The following LRRC69 variants were observed in gnomAD, a reference collection of about 807,000 sequenced individuals.
LRRC69 encodes the protein leucine rich repeat containing 69.
LRRC69 carries 42 observed loss-of-function variants against 37.8 expected under a neutral mutation model. The ratio of observed to expected loss-of-function variants is 1.11; its 90% confidence interval spans 0.87 to 1.44. LRRC69 has a LOEUF of 1.44. Ranked by LOEUF, LRRC69 falls within the 40% of genes most tolerant of loss-of-function variation. The probability of loss-of-function intolerance (pLI) is 0.00; values close to 1 mark genes in which losing one functional copy is unlikely to be tolerated. For synonymous variants in LRRC69, 141 were observed against 143.1 expected, an observed-to-expected ratio of 0.99 and a Z score of 0.11; for missense variants, 357 against 401.9, an observed-to-expected ratio of 0.89 and a Z score of 0.96.
At chr8:91,157,118 T>G (rs1808849501) in intron 5 of LRRC69, among the ~76,000 whole-genome samples, 1 of 151,312 alleles carries the variant, frequency 6.6e-6, no homozygotes, top group Non-Finnish European at 1.5e-5. Context: ...TGGTTCCATA[T>G]AAATTTTAGA....
At chr8:91,194,621 TA>T (rs1231321709) in intron 6 of LRRC69, among the ~76,000 whole-genome samples, 1 of 152,020 alleles carries the variant, frequency 6.6e-6, no homozygotes, top group East Asian at 1.9e-4. Context: ...CTAGATTTTC[TA>T]GTTTATTTGC....
intron 5 of LRRC69, among the ~76,000 whole-genome samples, chr8:91,176,839 A>T (rs1018937014): frequency 1.4e-4 from 22 of 151,864 alleles, no homozygotes; most frequent in Non-Finnish European, 2.6e-4. Flanking sequence ...TCAATTGCTT[A>T]ATTTCATCTA....
intron 5 of LRRC69, among the ~76,000 whole-genome samples, chr8:91,168,355 T>C (rs950491318): frequency 2.0e-5 from 3 of 151,062 alleles, no homozygotes; most frequent in Non-Finnish European, 3.0e-5. Flanking sequence ...GGGTAGCTGC[T>C]GACACCCCCA....
chr8:91,215,089 C>T (rs541643456), intron 7 of LRRC69, among the ~76,000 whole-genome samples: 6 of 151,982 alleles, frequency 3.9e-5, no homozygotes, highest in African/African-American at 1.2e-4. Flanking sequence ...GATTACATGG[C>T]GCCCACCTAG....
chr8:91,152,195 A>C (rs1345035846), intron 5 of LRRC69, among the ~76,000 whole-genome samples: 1 of 151,284 alleles, frequency 6.6e-6, no homozygotes, highest in South Asian at 2.1e-4. Context: ...ATTTCATCAT[A>C]ATATCTTTGC....
At chr8:91,217,739 A>C (rs995282336) in intron 7 of LRRC69, among the ~76,000 whole-genome samples, 2 of 152,226 alleles carry the variant, frequency 1.3e-5, no homozygotes, top group Non-Finnish European at 2.9e-5. Flanking sequence ...AATGGATCCC[A>C]GACAGGAAAA....
intron 7 of LRRC69, chr8:91,205,600 A>G (rs928980730): frequency 8.6e-5 from 13 of 151,502 alleles, no homozygotes; most frequent in Admixed American, 2.0e-4. Context: ...AGCTACTACA[A>G]TTTTTCTCAC....
intron 5 of LRRC69, among the ~76,000 whole-genome samples, chr8:91,154,091 T>G (rs1367864442): frequency 6.6e-6 from 1 of 151,288 alleles, no homozygotes; most frequent in South Asian, 2.1e-4. Context: ...AAATACCTCT[T>G]TGCAAATAAA....
chr8:91,192,180 C>G (rs1390558714), intron 6 of LRRC69, among the ~76,000 whole-genome samples: 1 of 152,048 alleles, frequency 6.6e-6, no homozygotes, highest in Non-Finnish European at 1.5e-5. Flanking sequence ...TGAACTCATC[C>G]TTTTTTATGA....
chr8:91,154,236 CAAAGA>C (rs1808793162), intron 5 of LRRC69, among the ~76,000 whole-genome samples: 1 of 148,762 alleles, frequency 6.7e-6, no homozygotes, highest in Non-Finnish European at 1.5e-5. Context: ...ACCTACCAAC[CAAAGA>C]AAAAAAAAAG....
chr8:91,207,434 A>G (rs1175945669), intron 7 of LRRC69, among the ~76,000 whole-genome samples: 1 of 152,218 alleles, frequency 6.6e-6, no homozygotes, highest in East Asian at 1.9e-4. Flanking sequence ...GAAAGAGAGA[A>G]TGATTGCATT....
intron 5 of LRRC69, chr8:91,157,235 T>C: frequency 7.7e-7 from 1 of 1,301,294 alleles, no homozygotes; most frequent in Non-Finnish European, 1.1e-6. Context: ...TTATGAATTC[T>C]GACATTAGAA....
chr8:91,157,349 A>G (rs1200706157), intron 5 of LRRC69: 25 of 1,608,622 alleles, frequency 1.6e-5, no homozygotes, highest in Non-Finnish European at 2.1e-5. Flanking sequence ...ACTGTCCCCA[A>G]AGAAGTAGGA....
At chr8:91,112,907 C>A (rs1158615792) in intron 1 of LRRC69, among the ~76,000 whole-genome samples, 7 of 151,740 alleles carry the variant, frequency 4.6e-5, no homozygotes, top group Non-Finnish European at 1.0e-4. Context: ...TACTAAAAAT[C>A]AATCATATTT....
chr8:91,138,301 T>G (rs1808454982), intron 5 of LRRC69, among the ~76,000 whole-genome samples: 1 of 151,984 alleles, frequency 6.6e-6, no homozygotes, highest in Non-Finnish European at 1.5e-5. Flanking sequence ...CTTTTTTAAC[T>G]ATGAGAATAT....
Position 91,133,100 on chromosome 8 carries a change from T to A in LRRC69, c.384-10T>A. On this transcript the variant is annotated splice_polypyrimidine_tract_variant and intron_variant, in intron 3 of 7. Transcript: ENST00000448384. ...TTCATTCATATACTTTGGTGTTTTT[T>A]TTTTTTTAGATTAAAAAGTCTTACT... 1 of 1,438,130 alleles carries A rather than the reference T, an allele frequency of 7.0e-7. No homozygotes were observed. The highest frequency in any genetic ancestry group is 9.3e-7 in the Non-Finnish European group (1 of 1,080,826). 89.1% of individuals were successfully genotyped at this position (1,438,130 alleles called of 1,614,324 possible). A position where few individuals can be genotyped will look rare whatever the true frequency, so the allele number is the denominator to read the frequency against.
intron 1 of LRRC69, among the ~76,000 whole-genome samples, chr8:91,112,019 GAAGCATT>G (rs1813417279): frequency 6.6e-6 from 1 of 151,942 alleles, no homozygotes; most frequent in Non-Finnish European, 1.5e-5. Flanking sequence ...ATCTCAAGGG[GAAGCATT>G]AAGCACGAAA....
intron 5 of LRRC69, among the ~76,000 whole-genome samples, chr8:91,155,342 T>G (rs1486420556): frequency 6.6e-6 from 1 of 150,952 alleles, no homozygotes; most frequent in East Asian, 1.9e-4. Flanking sequence ...AAAAAATTTT[T>G]AAGCAACACA....
At chr8:91,161,842 T>C (rs974842719) in intron 5 of LRRC69, among the ~76,000 whole-genome samples, 3 of 151,434 alleles carry the variant, frequency 2.0e-5, no homozygotes, top group Non-Finnish European at 4.4e-5. Context: ...TTGAGGTGCA[T>C]TGTCAGATTG....
Sources: allele counts gnomAD v4.1 joint callset (sites outside exome capture counted in the v4.1 genomes callset), GRCh38; gene constraint gnomAD v4.1.1; transcripts MANE v1.5; gene names NCBI Gene and HGNC (gene_info 2026-07-23, HGNC 2026-07-21).